Variants in PACRG observed in about 807,000 individuals in gnomAD.
The protein encoded by PACRG is parkin coregulated gene protein.
In PACRG, 29 loss-of-function variants were observed where a neutral mutation model predicts 29.7. The ratio of observed to expected loss-of-function variants is 0.98; its 90% confidence interval spans 0.73 to 1.33. The LOEUF (loss-of-function observed/expected upper bound fraction) is 1.33, where lower values mean the gene tolerates loss of function less well. Ranked by LOEUF, PACRG falls within the 40% of genes most tolerant of loss-of-function variation. The probability of loss-of-function intolerance (pLI) is 0.00; values close to 1 mark genes in which losing one functional copy is unlikely to be tolerated. For missense variants in PACRG, 279 were observed against 316.2 expected, an observed-to-expected ratio of 0.88 and a Z score of 0.89; for synonymous variants, 116 against 118.7, an observed-to-expected ratio of 0.98 and a Z score of 0.15.
At chr6:162,967,506 T>C (rs947607563) in intron 2 of PACRG, among the ~76,000 whole-genome samples, 1 of 151,758 alleles carries the variant, frequency 6.6e-6, no homozygotes, top group Non-Finnish European at 1.5e-5. Flanking sequence ...TATTGAACTT[T>C]CTCTTTTTTT....
At chr6:163,235,288 A>G (rs961638124) in intron 4 of PACRG, among the ~76,000 whole-genome samples, 3 of 152,204 alleles carry the variant, frequency 2.0e-5, no homozygotes, top group African/African-American at 7.2e-5. Context: ...CCTGAAGCAT[A>G]TACAGATATA....
chr6:162,862,031 T>G (rs1791903200), intron 2 of PACRG, among the ~76,000 whole-genome samples: 1 of 152,190 alleles, frequency 6.6e-6, no homozygotes, highest in South Asian at 2.1e-4. Flanking sequence ...AGCTGAGATC[T>G]TTGGTTTTAG....
rs9365491 is a variant in PACRG at position 162,787,180 on chromosome 6, G to A, written c.157-26967G>A. On this transcript the variant is annotated intron_variant, in intron 1 of 4. Transcript: ENST00000366888. ...TTCTCACCCTGTCAGACTGAGAAGA[G>A]CTACCAATTTTATTAGGACTGCTGA... Among the ~76,000 whole-genome samples, 191 of 151,876 alleles carry A rather than the reference G, an allele frequency of 1.3e-3. 2 individuals are homozygous for A. Among genetic ancestry groups the A allele is most frequent in the Non-Finnish European group, 2.1e-3 (143 of 67,936 alleles).
chr6:162,963,848 GCAATTGCAATA>G (rs1800826000), intron 2 of PACRG, among the ~76,000 whole-genome samples: 1 of 151,814 alleles, frequency 6.6e-6, no homozygotes, highest in Non-Finnish European at 1.5e-5. Flanking sequence ...CTATTTCATT[GCAATTGCAATA>G]TATCAGTTAG....
chr6:162,864,411 G>A (rs968509835), intron 2 of PACRG, among the ~76,000 whole-genome samples: 5 of 152,070 alleles, frequency 3.3e-5, no homozygotes, highest in African/African-American at 1.2e-4. Context: ...TATGTGCCAG[G>A]CCTTATTCTA....
chr6:162,913,462 A>C (rs974264705), intron 2 of PACRG, among the ~76,000 whole-genome samples: 3 of 152,208 alleles, frequency 2.0e-5, no homozygotes, highest in Non-Finnish European at 4.4e-5. Flanking sequence ...ACTTGTCAGT[A>C]GGCATTTGAG....
At chr6:162,944,023 G>A (rs545996667) in intron 2 of PACRG, among the ~76,000 whole-genome samples, 76 of 152,240 alleles carry the variant, frequency 5.0e-4, no homozygotes, top group Admixed American at 4.0e-3. Context: ...GAATATGCCT[G>A]CCTGGTCCTG....
intron 4 of PACRG, among the ~76,000 whole-genome samples, chr6:163,265,598 T>TAGCATATA (rs1783504519): frequency 3.9e-5 from 6 of 152,194 alleles, no homozygotes; most frequent in Admixed American, 3.9e-4. Flanking sequence ...TGTTAGCTGA[T>TAGCATATA]GTTATTATTA....
chr6:162,997,862 TA>T (rs1338335353), intron 2 of PACRG, among the ~76,000 whole-genome samples: 1 of 152,242 alleles, frequency 6.6e-6, no homozygotes, highest in East Asian at 1.9e-4. Context: ...TTGAGTTGTT[TA>T]TCTTTTTCTT....
At chr6:163,187,302 C>T (rs1051958070) in intron 4 of PACRG, among the ~76,000 whole-genome samples, 1 of 152,120 alleles carries the variant, frequency 6.6e-6, no homozygotes, top group Admixed American at 6.5e-5. Flanking sequence ...TCACCTTGGA[C>T]GCCACCCTCG....
At chr6:162,937,477 A>C (rs921289909) in intron 2 of PACRG, among the ~76,000 whole-genome samples, 2 of 152,146 alleles carry the variant, frequency 1.3e-5, no homozygotes, top group African/African-American at 4.8e-5. Flanking sequence ...AGAGACACCT[A>C]TCTAGATCTC....
At chr6:162,814,743 C>T (rs1157400666) in intron 2 of PACRG, among the ~76,000 whole-genome samples, 4 of 152,058 alleles carry the variant, frequency 2.6e-5, no homozygotes, top group African/African-American at 4.8e-5. Context: ...AAAAGCAGGC[C>T]GATCCCAATC....
rs772175142 is a variant in PACRG, at chr6:163,166,176, C to T, written c.613+76768C>T. The T allele has an allele frequency of 1.9e-4, 85 of 456,136 alleles. No individual in the cohort carries two copies. In the Admixed American group the frequency reaches 2.0e-3, roughly 11 times the overall value. 28.3% of individuals were successfully genotyped at this position (456,136 alleles called of 1,614,324 possible). On this transcript the variant is annotated intron_variant, in intron 4 of 4. Coordinates refer to ENST00000366888, the MANE Select transcript of PACRG (RefSeq NM_001080379.2). The stretch of plus-strand genomic sequence containing the variant: ...GGCACATGTGAAAGGGTTTTGTGCT[C>T]GTTTCCTCTGCATCTGCCGAGGGCA...
intron 2 of PACRG, among the ~76,000 whole-genome samples, chr6:163,043,443 T>C (rs1808960205): frequency 6.6e-6 from 1 of 151,984 alleles, no homozygotes; most frequent in South Asian, 2.1e-4. Context: ...AGTCAACTAC[T>C]TGGGGGGCTG....
At chr6:163,040,607 TG>T (rs1808604244) in intron 2 of PACRG, among the ~76,000 whole-genome samples, 1 of 152,224 alleles carries the variant, frequency 6.6e-6, no homozygotes, top group African/African-American at 2.4e-5. Flanking sequence ...CCTAAGGCCA[TG>T]GGAGCCCACC....
intron 4 of PACRG, among the ~76,000 whole-genome samples, chr6:163,154,132 A>G (rs1272879383): frequency 6.6e-6 from 1 of 152,220 alleles, no homozygotes; most frequent in Non-Finnish European, 1.5e-5. Context: ...CAGGATGACC[A>G]GAATTGGGGT....
chr6:163,235,333 CT>C (rs1406419490), intron 4 of PACRG, among the ~76,000 whole-genome samples: 1 of 152,210 alleles, frequency 6.6e-6, no homozygotes, highest in African/African-American at 2.4e-5. Flanking sequence ...ATATAATCTT[CT>C]GGAGACACAG....
chr6:162,859,078 C>T (rs1437922871), intron 2 of PACRG, among the ~76,000 whole-genome samples: 1 of 152,094 alleles, frequency 6.6e-6, no homozygotes. Context: ...TAATTGGAGG[C>T]CTCCATGAAG....
At chr6:162,773,616 G>A (rs1212654326) in intron 1 of PACRG, among the ~76,000 whole-genome samples, 1 of 139,600 alleles carries the variant, frequency 7.2e-6, no homozygotes, top group East Asian at 2.4e-4. Context: ...CCGGGTTCAC[G>A]CCATTCTCCT....
Sources: gnomAD v4.1 joint callset for allele counts (sites outside exome capture counted in the v4.1 genomes callset) on GRCh38, gnomAD v4.1.1 for gene constraint, MANE v1.5 for transcripts, NCBI Gene and HGNC (gene_info 2026-07-23, HGNC 2026-07-21) for gene names.